The following C12orf42 variants were observed in gnomAD, a reference collection of about 807,000 sequenced individuals.
The protein encoded by C12orf42 is chromosome 12 open reading frame 42.
Under a neutral mutation model 21.6 loss-of-function variants are expected in C12orf42, and 25 were observed. That is an observed-to-expected ratio of 1.16 (90% CI 0.84 to 1.62). The LOEUF is 1.62. C12orf42 is among the 40% of genes most tolerant of loss of function. C12orf42 has a pLI of 0.00. For synonymous variants in C12orf42, 174 were observed against 175.0 expected (o/e 0.99, Z 0.05); for missense variants, 483 against 459.3 (o/e 1.05, Z -0.47).
chr12:103,562,351 A>G, the C12orf42 span, among the ~76,000 whole-genome samples: 3 of 152,156 alleles, frequency 2.0e-5, no homozygotes, highest in Non-Finnish European at 4.4e-5. Flanking sequence ...ACTCTGATCA[A>G]TTGATCGTTT....
At chr12:103,174,592 C>CTTTTTTTTTTTTTTTTTTTTTTTTTTT in the C12orf42 span, among the ~76,000 whole-genome samples, 7 of 152,228 alleles carry the variant, frequency 4.6e-5, no homozygotes, top group South Asian at 2.1e-4. Flanking sequence ...AGCCTGACTT[C>CTTTTTTTTTTTTTTTTTTTTTTTTTTT]TAATCGCCAA....
intron 10 of C12orf42, among the ~76,000 whole-genome samples, chr12:103,254,545 C>G (rs1361288963): frequency 6.6e-6 from 1 of 152,080 alleles, no homozygotes; most frequent in Non-Finnish European, 1.5e-5. Context: ...ATAGAGAACT[C>G]AGGAATAAGA....
the C12orf42 span, among the ~76,000 whole-genome samples, chr12:103,535,278 G>A: frequency 4.6e-5 from 7 of 152,018 alleles, no homozygotes; most frequent in Non-Finnish European, 1.0e-4. Context: ...GGTATGGTAG[G>A]CCCATTCAGG....
chr12:103,466,835 A>G (rs1953176097), intron 2 of C12orf42, among the ~76,000 whole-genome samples: 1 of 152,220 alleles, frequency 6.6e-6, no homozygotes, highest in Non-Finnish European at 1.5e-5. Context: ...GGGAGGCACT[A>G]TTGGAGTTGT....
chr12:103,111,493 T>C, the C12orf42 span, among the ~76,000 whole-genome samples: 1 of 152,214 alleles, frequency 6.6e-6, no homozygotes, highest in Non-Finnish European at 1.5e-5. Context: ...TTACTACATA[T>C]ATTCAAAGCA....
At chr12:103,438,704 T>C (rs376125410) in intron 2 of C12orf42, among the ~76,000 whole-genome samples, 1 of 151,944 alleles carries the variant, frequency 6.6e-6, no homozygotes, top group Non-Finnish European at 1.5e-5. Context: ...TTACAAGGGA[T>C]GTGAAGGACC....
the C12orf42 span, among the ~76,000 whole-genome samples, chr12:103,525,626 ATAAG>A: frequency 2.6e-5 from 4 of 152,198 alleles, no homozygotes; most frequent in South Asian, 4.1e-4. Context: ...GCAAAATATT[ATAAG>A]TATCAATATT....
At chr12:103,257,759 G>A (rs2034684681) in intron 10 of C12orf42, among the ~76,000 whole-genome samples, 1 of 151,640 alleles carries the variant, frequency 6.6e-6, no homozygotes, top group South Asian at 2.1e-4. Context: ...GATACTAGGA[G>A]TCCCTGAAGA....
chr12:103,297,312 C>G (rs897728338), downstream of C12orf42, among the ~76,000 whole-genome samples: 10 of 152,216 alleles, frequency 6.6e-5, no homozygotes, highest in Admixed American at 6.5e-4. Context: ...CAGCTTTGTT[C>G]TTTTGGCCTA....
chr12:103,130,470 C>A, the C12orf42 span, among the ~76,000 whole-genome samples: 1 of 151,820 alleles, frequency 6.6e-6, no homozygotes, highest in Non-Finnish European at 1.5e-5. Context: ...TTACAACAGC[C>A]CTTTGAATTG....
At chr12:103,328,458 G>A (rs1423447284) in intron 4 of C12orf42, among the ~76,000 whole-genome samples, 1 of 151,984 alleles carries the variant, frequency 6.6e-6, no homozygotes, top group African/African-American at 2.4e-5. Context: ...TTCAATCTAT[G>A]TCAGCTATAT....
At chr12:103,205,657 CCA>C in the C12orf42 span, among the ~76,000 whole-genome samples, 1 of 131,976 alleles carries the variant, frequency 7.6e-6, no homozygotes, top group Non-Finnish European at 1.8e-5. Flanking sequence ...TACATATGCA[CCA>C]AGAGACATTT....
chr12:103,312,627 T>C (rs2039076470), intron 4 of C12orf42, among the ~76,000 whole-genome samples: 1 of 152,202 alleles, frequency 6.6e-6, no homozygotes, highest in African/African-American at 2.4e-5. Context: ...TCCCAACTAC[T>C]GATACACTTG....
downstream of C12orf42, among the ~76,000 whole-genome samples, chr12:103,264,109 T>C (rs574040221): frequency 6.6e-6 from 1 of 151,448 alleles, no homozygotes; most frequent in South Asian, 2.1e-4. Context: ...CTTGGACATA[T>C]ATTTACTTAC....
the C12orf42 span, among the ~76,000 whole-genome samples, chr12:103,514,454 G>T: frequency 6.6e-6 from 1 of 152,082 alleles, no homozygotes; most frequent in Non-Finnish European, 1.5e-5. Context: ...AAAGCTCCAG[G>T]GTACAAGTGT....
intron 10 of C12orf42, among the ~76,000 whole-genome samples, chr12:103,253,063 A>G (rs907259043): frequency 6.6e-6 from 1 of 152,126 alleles, no homozygotes; most frequent in Non-Finnish European, 1.5e-5. Flanking sequence ...TAAATAGGGA[A>G]TGCTTTCTCC....
At chr12:103,144,932 T>C in the C12orf42 span, among the ~76,000 whole-genome samples, 1 of 152,144 alleles carries the variant, frequency 6.6e-6, no homozygotes, top group Non-Finnish European at 1.5e-5. Context: ...TTTATATCAT[T>C]GTGTCCTTCC....
chr12:103,182,754 A>C, the C12orf42 span, among the ~76,000 whole-genome samples: 1 of 152,232 alleles, frequency 6.6e-6, no homozygotes, highest in Admixed American at 6.5e-5. Flanking sequence ...AGAACCTCAA[A>C]ATATGTCAAG....
the C12orf42 span, among the ~76,000 whole-genome samples, chr12:103,083,278 A>G: frequency 2.6e-5 from 4 of 152,032 alleles, no homozygotes; most frequent in South Asian, 8.3e-4. Flanking sequence ...ACATGAGAAT[A>G]GCTTGAACCC....
Sources: allele counts gnomAD v4.1 joint callset (sites outside exome capture counted in the v4.1 genomes callset), GRCh38; gene constraint gnomAD v4.1.1; transcripts MANE v1.5; gene names NCBI Gene and HGNC (gene_info 2026-07-23, HGNC 2026-07-21).